TAF6: variants seen among roughly 807,000 people sequenced by gnomAD.
The protein encoded by TAF6 is TATA-box binding protein associated factor 6, also known as transcription initiation factor TFIID subunit 6.
TAF6 carries 50 observed loss-of-function variants against 73.5 expected under a neutral mutation model. The ratio of observed to expected loss-of-function variants is 0.68; its 90% CI spans 0.54 to 0.86. TAF6 has a LOEUF of 0.86. Among genes scored for constraint, TAF6 ranks in the 40% least tolerant of loss-of-function variants. TAF6 has a pLI of 0.00. For synonymous variants in TAF6, 424 were observed against 376.7 expected (o/e 1.13, Z -1.45); for missense variants, 768 against 899.5 (o/e 0.85, Z 1.87).
the TAF6 span, among the ~76,000 whole-genome samples, chr7:100,126,528 C>A: frequency 6.4e-4 from 97 of 152,188 alleles, 1 homozygote; most frequent in Non-Finnish European, 6.9e-4. Context: ...GGCGCGGTGG[C>A]TCACACCTGT....
At chr7:100,119,885 A>G, upstream of TAF6, 1 of 1,579,048 alleles carries the variant, frequency 6.3e-7, no homozygotes. Flanking sequence ...GGTAGCCCCT[A>G]TAGGCATCGC....
upstream of TAF6, chr7:100,121,065 C>A: frequency 1.1e-5 from 1 of 93,110 alleles, no homozygotes; most frequent in Non-Finnish European, 2.1e-5. Context: ...GAGGGACATA[C>A]TATTATTATC....
intron 13 of TAF6, 96 bp from the exon 14 acceptor site, chr7:100,108,219 C>T (rs972625327): frequency 5.5e-6 from 8 of 1,462,116 alleles, no homozygotes; most frequent in East Asian, 4.9e-5. Flanking sequence ...TCCTCAGTGG[C>T]TCTCACTAGG....
Position 100,107,189 on chromosome 7 carries a change from C to T in TAF6, c.*57G>A, listed in dbSNP as rs4134929. On this transcript the variant is annotated 3_prime_UTR_variant, in exon 15 of 15. Coordinates refer to ENST00000453269, the MANE Select transcript of TAF6 (RefSeq NM_139315.3). ...CGCTTAGCGAGCATGCATGTGTGTACGTGCACGTGTGTACATGTCTGCATG... is the reference window on the plus strand; with the variant it reads ...CGCTTAGCGAGCATGCATGTGTGTATGTGCACGTGTGTACATGTCTGCATG... The T allele has an allele frequency of 4.2e-4, 640 of 1,519,058 alleles. 3 individuals carry two copies. The African/African-American group carries it at 7.3e-3, about 17-fold the overall frequency. The allele number at this position is 1,519,058 out of a possible 1,614,324, so 94.1% of individuals were successfully genotyped here. A position where few individuals can be genotyped will look rare whatever the true frequency, so the allele number is the denominator to read the frequency against.
At chr7:100,122,248 C>T (rs1285193916), upstream of TAF6, 10 of 1,613,676 alleles carry the variant, frequency 6.2e-6, no homozygotes, top group South Asian at 2.2e-5. Flanking sequence ...GACGTTTCTC[C>T]TCCCCACCAG....
In TAF6 at chr7:100,110,085, G is replaced by C; in HGVS notation, c.1159-12C>G. ...AGAGTCTTGATAACCTGTTAGAAGGGAAAAGGACAAGCAAAAGCCGGAGGG... is the reference window on the plus strand; with the variant it reads ...AGAGTCTTGATAACCTGTTAGAAGGCAAAAGGACAAGCAAAAGCCGGAGGG... On this transcript the variant is annotated splice_polypyrimidine_tract_variant and intron_variant, in intron 11 of 14. Coordinates refer to ENST00000453269, the MANE Select transcript of TAF6 (RefSeq NM_139315.3). The C allele has an allele frequency of 6.2e-7, 1 of 1,614,068 alleles. No individual in the cohort carries two copies. Among genetic ancestry groups the C allele is most frequent in the Non-Finnish European group, 8.5e-7 (1 of 1,180,000 alleles).
intron 13 of TAF6, 77 bp from the exon 14 acceptor site, chr7:100,108,200 CCTCG>C: frequency 6.8e-7 from 1 of 1,480,044 alleles, no homozygotes; most frequent in Middle Eastern, 2.4e-4. Context: ...CCTGGGCTCC[CCTCG>C]CTCTTCCTCA....
chr7:100,108,607 GGTGACACTC>G (rs1458532010), intron 12 of TAF6, 67 bp from the exon 13 acceptor site: 1 of 1,516,614 alleles, frequency 6.6e-7, no homozygotes, highest in Non-Finnish European at 8.9e-7. Flanking sequence ...AGGGAGGGCT[GGTGACACTC>G]TTGAGAAGAA....
Position 100,112,237 on chromosome 7 carries a change from C to T in TAF6, c.591G>A (p.Ala197=), listed in dbSNP as rs978765954. Residue 197 remains alanine, a synonymous_variant, in exon 7 of 15, where the codon GCG becomes GCA. Transcript: ENST00000453269. ...AGGGGGCCCCCTCCAGCAAGGGCGGCGCCTTCTTCTCTTTCCCTGTGTGAT... is the reference window on the plus strand; with the variant it reads ...AGGGGGCCCCCTCCAGCAAGGGCGGTGCCTTCTTCTCTTTCCCTGTGTGAT... The part of the protein sequence containing the change: ...TADGKGKEKK[A]PPLLEGAPLR... 3.7e-6 allele frequency: 6 copies of T among 1,613,418 alleles called. No individual in the cohort carries two copies. The highest frequency in any genetic ancestry group is 5.1e-6 in the Non-Finnish European group (6 of 1,179,762).
the TAF6 span, chr7:100,125,014 C>T: frequency 8.7e-7 from 1 of 1,144,102 alleles, no homozygotes. Flanking sequence ...TAGCTGTTCT[C>T]TCCCATCTAA....
Position 100,107,133 on chromosome 7 carries a change from G to T in TAF6, c.*113C>A. The stretch of plus-strand genomic sequence containing the variant: ...GCTGTACAATATCTAAAAAGAAAGT[G>T]ACATGAAGGAAGCAATCTACAACTT... On this transcript the variant is annotated 3_prime_UTR_variant, in exon 15 of 15. Transcript: ENST00000453269. 1 of 1,425,958 alleles carries T rather than the reference G, an allele frequency of 7.0e-7. No individual in the cohort carries two copies. The highest frequency in any genetic ancestry group is 9.3e-7 in the Non-Finnish European group (1 of 1,071,026). The allele number at this position is 1,425,958 out of a possible 1,614,324, so 88.3% of individuals were successfully genotyped here. A position where few individuals can be genotyped will look rare whatever the true frequency, so the allele number is the denominator to read the frequency against.
chr7:100,122,331 T>C, upstream of TAF6: 2 of 1,614,122 alleles, frequency 1.2e-6, no homozygotes, highest in East Asian at 2.2e-5. Flanking sequence ...GTGCTGGAGC[T>C]GGGGCAGGTG....
intron 1 of TAF6, chr7:100,114,565 C>A: frequency 1.7e-6 from 1 of 585,496 alleles, no homozygotes; most frequent in South Asian, 2.1e-5. Flanking sequence ...ACTAAAAATA[C>A]AAAAATTAGC....
At chr7:100,119,909 C>T (rs1213525549), upstream of TAF6, 1 of 1,523,264 alleles carries the variant, frequency 6.6e-7, no homozygotes, top group Non-Finnish European at 8.9e-7. Flanking sequence ...GCCACACCTC[C>T]TTCTTCTAGG....
chr7:100,125,640 T>TACACACACAC, the TAF6 span: 7 of 150,952 alleles, frequency 4.6e-5, no homozygotes, highest in African/African-American at 1.7e-4. Context: ...ACCCCAATTC[T>TACACACACAC]ACACACACAC....
At chr7:100,115,863 C>T (rs181209536) in intron 1 of TAF6, among the ~76,000 whole-genome samples, 2 of 151,270 alleles carry the variant, frequency 1.3e-5, no homozygotes, top group African/African-American at 2.4e-5. Context: ...CCCAGCTACT[C>T]GGGAGGCTGA....
the TAF6 span, chr7:100,127,051 A>G: frequency 3.6e-6 from 1 of 280,940 alleles, no homozygotes; most frequent in Non-Finnish European, 6.8e-6. This position sits in a 1 kb window ranked among gnomAD's most constrained non-coding sequence, Gnocchi z 4.6. Flanking sequence ...GGCAAGACCT[A>G]GCAGAGGCCC....
chr7:100,108,692 T>C, intron 12 of TAF6, 152 bp from the exon 13 acceptor site: 2 of 727,274 alleles, frequency 2.7e-6, no homozygotes, highest in South Asian at 3.7e-5. Context: ...GGCCAAATTA[T>C]GCTGAACTAT....
At chr7:100,111,626 G>T (rs1356694829) in intron 9 of TAF6, 102 bp downstream of exon 9, 1 of 1,291,814 alleles carries the variant, frequency 7.7e-7, no homozygotes, top group South Asian at 1.2e-5. Flanking sequence ...GCCTCCCAAA[G>T]TTGCTGGGAT....
Sources: allele counts gnomAD v4.1 joint callset (sites outside exome capture counted in the v4.1 genomes callset), GRCh38; gene constraint gnomAD v4.1.1; non-coding constraint Gnocchi (gnomAD v3.1); transcripts MANE v1.5; gene names NCBI Gene and HGNC (gene_info 2026-07-23, HGNC 2026-07-21).